NOL10: variants seen among roughly 807,000 people sequenced by gnomAD.
NOL10 encodes H_NH0074G24.1.
NOL10 carries 58 observed loss-of-function variants against 103.5 expected under a neutral mutation model. The ratio of observed to expected loss-of-function variants is 0.56; its 90% CI spans 0.45 to 0.70. The LOEUF is 0.70. NOL10 is among the 30% of genes least tolerant of loss of function. NOL10 has a pLI of 0.00. For missense variants in NOL10, 763 were observed against 807.3 expected, an observed-to-expected ratio of 0.95 and a Z score of 0.67; for synonymous variants, 287 against 282.5, an observed-to-expected ratio of 1.02 and a Z score of -0.16.
chr2:10,641,358 T>TAA (rs57839701), intron 13 of NOL10, among the ~76,000 whole-genome samples: 1 of 147,788 alleles, frequency 6.8e-6, no homozygotes, highest in Non-Finnish European at 1.5e-5. Context: ...CATTAAAGCT[T>TAA]AAAAAAAAAA....
chr2:10,602,132 T>C (rs1356302487), intron 16 of NOL10, among the ~76,000 whole-genome samples: 1 of 152,170 alleles, frequency 6.6e-6, no homozygotes, highest in Non-Finnish European at 1.5e-5. Flanking sequence ...CCCAGGAACA[T>C]CCTTGCTATT....
chr2:10,650,165 G>C (rs1679359530), intron 12 of NOL10, among the ~76,000 whole-genome samples: 1 of 152,064 alleles, frequency 6.6e-6, no homozygotes, highest in Non-Finnish European at 1.5e-5. Context: ...ATGTTAGCAA[G>C]ATAATTTTTT....
intron 14 of NOL10, among the ~76,000 whole-genome samples, chr2:10,603,822 C>T (rs1214679021): frequency 1.3e-5 from 2 of 152,140 alleles, no homozygotes; most frequent in Non-Finnish European, 2.9e-5. Flanking sequence ...TAAGAATGCT[C>T]TATGTCACAG....
intron 20 of NOL10, among the ~76,000 whole-genome samples, chr2:10,574,148 C>A (rs190777472): frequency 6.3e-4 from 96 of 152,264 alleles, no homozygotes; most frequent in African/African-American, 2.0e-3. Flanking sequence ...AGACTGAGAA[C>A]TGTGGTGGCA....
intron 14 of NOL10, among the ~76,000 whole-genome samples, chr2:10,604,201 C>T (rs4622695): frequency 0.59 from 89,994 of 152,052 alleles, 27,646 homozygotes; most frequent in African/African-American, 0.74. Flanking sequence ...CTGTGTGGCC[C>T]GGTTCCTCAT....
At chr2:10,674,174 T>C (rs1013008708) in intron 4 of NOL10, among the ~76,000 whole-genome samples, 6 of 151,340 alleles carry the variant, frequency 4.0e-5, no homozygotes, top group African/African-American at 1.2e-4. Context: ...GCTGTGATCA[T>C]AACACTGCAC....
At chr2:10,577,761 C>T (rs750035042) in intron 19 of NOL10, 23 bp from the exon 20 acceptor site, 15 of 1,424,364 alleles carry the variant, frequency 1.1e-5, no homozygotes, top group Middle Eastern at 1.7e-4. Flanking sequence ...CAAAAGAATG[C>T]CACATTAATC....
intron 19 of NOL10, among the ~76,000 whole-genome samples, chr2:10,581,670 T>C (rs1169132413): frequency 2.0e-5 from 3 of 151,986 alleles, no homozygotes; most frequent in African/African-American, 7.2e-5. Flanking sequence ...GGACAAAAAA[T>C]TTAACAATTA....
intron 3 of NOL10, among the ~76,000 whole-genome samples, chr2:10,678,166 T>G (rs1253880147): frequency 6.6e-6 from 1 of 151,878 alleles, no homozygotes; most frequent in Non-Finnish European, 1.5e-5. Flanking sequence ...CTCCTGCCTC[T>G]GCCTCGTGAG....
chr2:10,682,167 C>T (rs1681813861), intron 2 of NOL10, 98 bp from the exon 3 acceptor site: 1 of 439,984 alleles, frequency 2.3e-6, no homozygotes, highest in African/African-American at 2.0e-5. Flanking sequence ...CAACTATAAA[C>T]AGGTGAAATT....
At chr2:10,623,472 C>T (rs1333246804) in intron 13 of NOL10, among the ~76,000 whole-genome samples, 1 of 152,172 alleles carries the variant, frequency 6.6e-6, no homozygotes, top group Non-Finnish European at 1.5e-5. Flanking sequence ...TGAAACATTA[C>T]TTATGGGAAA....
intron 9 of NOL10, 57 bp from the exon 10 acceptor site, chr2:10,659,307 A>G: frequency 1.4e-6 from 1 of 710,050 alleles, no homozygotes. Flanking sequence ...CTTCCAAGTA[A>G]CAAGTTCATT....
rs1465170848 is a variant in NOL10, at chr2:10,686,872, T to C, written c.67-2260A>G. Reference sequence around the variant, plus strand: ...AAATGTGGGGGGAAAGCTGGTGTTCTACTTTGGACAAGTTAAGTTTGAGAT... The same window carrying C: ...AAATGTGGGGGGAAAGCTGGTGTTCCACTTTGGACAAGTTAAGTTTGAGAT... On this transcript the variant is annotated intron_variant, in intron 1 of 20. Coordinates refer to ENST00000381685, the MANE Select transcript of NOL10 (RefSeq NM_024894.4). 2.2e-5 allele frequency among the ~76,000 whole-genome samples: 3 copies of C among 138,278 alleles called. No homozygotes were observed. The East Asian group carries it at 6.1e-4, about 28-fold the overall frequency. The allele number at this position is 138,278 out of a possible 152,430, so 90.7% of individuals were successfully genotyped here. A position where few individuals can be genotyped will look rare whatever the true frequency, so the allele number is the denominator to read the frequency against.
At chr2:10,590,956 C>T (rs1178306269) in intron 17 of NOL10, 6 of 152,220 alleles carry the variant, frequency 3.9e-5, no homozygotes, top group African/African-American at 1.4e-4. Context: ...GACTCTGACT[C>T]TGCTGAACAG....
At position 10,587,218 on chromosome 2, in the gene NOL10, C is replaced by CAT. The variant is rs1169462624; in HGVS notation, c.1844+1823_1844+1824dup. ...ACATATATATACACATATATATATACATATATATACATATATATATACATA... is the reference window on the plus strand; with the variant it reads ...ACATATATATACACATATATATATACATATATATATACATATATATATACATA... On this transcript the variant is annotated intron_variant, in intron 19 of 20. Coordinates refer to ENST00000381685, the MANE Select transcript of NOL10 (RefSeq NM_024894.4). Among the ~76,000 whole-genome samples, 3 of 42,936 alleles carry CAT rather than the reference C, an allele frequency of 7.0e-5. 1 individual carries two copies. The highest frequency in any genetic ancestry group is 1.2e-4 in the Non-Finnish European group (3 of 24,868). The allele number at this position is 42,936 out of a possible 152,430, so 28.2% of individuals were successfully genotyped here. A position where few individuals can be genotyped will look rare whatever the true frequency, so the allele number is the denominator to read the frequency against.
At chr2:10,603,009 G>C in intron 15 of NOL10, 69 bp downstream of exon 15, 2 of 1,315,266 alleles carry the variant, frequency 1.5e-6, no homozygotes, top group Non-Finnish European at 1.1e-6. Flanking sequence ...GAAAGTGCGA[G>C]TAGTGAGGAA....
intron 13 of NOL10, among the ~76,000 whole-genome samples, chr2:10,632,629 CCCAAATAGT>C (rs904440793): frequency 1.2e-4 from 19 of 152,056 alleles, no homozygotes; most frequent in African/African-American, 4.6e-4. Context: ...TGGAAAAGGC[CCCAAATAGT>C]CCAAAATAGA....
chr2:10,687,229 T>C (rs145785527), intron 1 of NOL10, among the ~76,000 whole-genome samples: 1 of 152,244 alleles, frequency 6.6e-6, no homozygotes, highest in African/African-American at 2.4e-5. Flanking sequence ...CAGCTCAAGC[T>C]ACCCTCCCCA....
intron 1 of NOL10, among the ~76,000 whole-genome samples, chr2:10,689,518 T>C (rs964781099): frequency 1.3e-5 from 2 of 151,960 alleles, no homozygotes; most frequent in Admixed American, 6.5e-5. Context: ...GCCCAAATGG[T>C]TGCGTTCTCT....
Sources: allele counts gnomAD v4.1 joint callset (sites outside exome capture counted in the v4.1 genomes callset), GRCh38; gene constraint gnomAD v4.1.1; transcripts MANE v1.5; gene names NCBI Gene and HGNC (gene_info 2026-07-23, HGNC 2026-07-21).